The following STK32B variants were observed in gnomAD, a reference collection of about 807,000 sequenced individuals.
STK32B encodes serine/threonine-protein kinase 32B.
Under a neutral mutation model 52.6 loss-of-function variants are expected in STK32B, and 43 were observed. The observed-to-expected ratio is 0.82, with a 90% CI of 0.64 to 1.05. STK32B has a LOEUF of 1.05. Ranked by LOEUF, STK32B falls within the 50% of genes least tolerant of loss-of-function variation. The pLI, the probability that STK32B is intolerant of heterozygous loss-of-function variation, is 0.00. For synonymous variants in STK32B, 238 were observed against 204.3 expected, an observed-to-expected ratio of 1.17 and a Z score of -1.41; for missense variants, 621 against 534.6, an observed-to-expected ratio of 1.16 and a Z score of -1.59.
the STK32B span, among the ~76,000 whole-genome samples, chr4:5,026,620 G>A: frequency 6.6e-6 from 1 of 152,190 alleles, no homozygotes; most frequent in African/African-American, 2.4e-5. Context: ...TACAATTCAA[G>A]GGGAGATTTG....
intron 3 of STK32B, among the ~76,000 whole-genome samples, chr4:5,182,323 G>A (rs763867871): frequency 6.6e-6 from 1 of 152,000 alleles, no homozygotes; most frequent in Admixed American, 6.5e-5. Context: ...TATTTTGACC[G>A]CCCATGAATC....
rs1001610415 is a variant in STK32B, at chr4:5,308,914, GA to G, written c.261-22298del. Among the ~76,000 whole-genome samples, 76 of 151,250 alleles carry G rather than the reference GA, an allele frequency of 5.0e-4. 1 individual carries two copies. Among genetic ancestry groups the G allele is most frequent in the Admixed American group, 3.8e-3 (57 of 15,180 alleles). On this transcript the variant is annotated intron_variant, in intron 3 of 11. Transcript: ENST00000282908. ...TCCTAGACAGAACAATTATGCAAGA[GA>G]AAAAAAATAAAGGGCATCCAAATTG...
chr4:5,267,878 G>A (rs192162578), intron 3 of STK32B, among the ~76,000 whole-genome samples: 2 of 152,316 alleles, frequency 1.3e-5, no homozygotes, highest in East Asian at 3.9e-4. Flanking sequence ...TCTGGAGGCT[G>A]CCCAGAAGTT....
At chr4:5,040,362 G>A in the STK32B span, among the ~76,000 whole-genome samples, 1 of 150,400 alleles carries the variant, frequency 6.6e-6, no homozygotes, top group Non-Finnish European at 1.5e-5. Context: ...TTCTCTCAGT[G>A]CACATGATGA....
At chr4:5,259,741 G>A (rs1726574927) in intron 3 of STK32B, among the ~76,000 whole-genome samples, 1 of 152,218 alleles carries the variant, frequency 6.6e-6, no homozygotes, top group Admixed American at 6.5e-5. Flanking sequence ...GAGCTCTGAG[G>A]CCCAACTCTT....
Position 5,469,046 on chromosome 4 carries a change from G to A in STK32B, c.1106+976G>A, listed in dbSNP as rs1030686968. The stretch of plus-strand genomic sequence containing the variant: ...AGCCTGGGCGACAGAGCAAGACTCC[G>A]TCTCAAAAAAAAAAAAAAAAATTAT... On this transcript the variant is annotated intron_variant, in intron 11 of 11. Transcript: ENST00000282908. This position sits in a 1 kb window ranked among gnomAD's most constrained non-coding sequence, Gnocchi z 4.7. Among the ~76,000 whole-genome samples, 6 of 117,782 alleles carry A rather than the reference G, an allele frequency of 5.1e-5. No individual in the cohort carries two copies. Among genetic ancestry groups the A allele is most frequent in the African/African-American group, 1.4e-4 (4 of 27,994 alleles). The allele number at this position is 117,782 out of a possible 152,430, so 77.3% of individuals were successfully genotyped here. A position where few individuals can be genotyped will look rare whatever the true frequency, so the allele number is the denominator to read the frequency against.
At chr4:5,281,889 C>A (rs1180878392) in intron 3 of STK32B, among the ~76,000 whole-genome samples, 1 of 152,070 alleles carries the variant, frequency 6.6e-6, no homozygotes, top group African/African-American at 2.4e-5. Flanking sequence ...TTACAAATCA[C>A]AGATACATAT....
At chr4:5,095,755 C>A (rs1713353647) in intron 1 of STK32B, among the ~76,000 whole-genome samples, 1 of 152,070 alleles carries the variant, frequency 6.6e-6, no homozygotes, top group African/African-American at 2.4e-5. Flanking sequence ...CATGACTGAC[C>A]CTTTGATTGT....
At chr4:5,308,894 G>A (rs1730104053) in intron 3 of STK32B, among the ~76,000 whole-genome samples, 1 of 151,816 alleles carries the variant, frequency 6.6e-6, no homozygotes, top group Non-Finnish European at 1.5e-5. Context: ...AAATGTCCTA[G>A]ACAGAACAAT....
At chr4:5,265,253 A>G (rs1040034651) in intron 3 of STK32B, among the ~76,000 whole-genome samples, 1 of 152,232 alleles carries the variant, frequency 6.6e-6, no homozygotes, top group African/African-American at 2.4e-5. Context: ...ACCACCTGAC[A>G]GGTGAGAACG....
intron 3 of STK32B, among the ~76,000 whole-genome samples, chr4:5,170,487 G>T (rs1049535813): frequency 7.2e-5 from 11 of 151,760 alleles, no homozygotes; most frequent in African/African-American, 2.7e-4. Context: ...AGTCTCTGGA[G>T]TGTGATGTTC....
At chr4:5,232,424 A>G (rs560165802) in intron 3 of STK32B, among the ~76,000 whole-genome samples, 1 of 152,258 alleles carries the variant, frequency 6.6e-6, no homozygotes, top group African/African-American at 2.4e-5. Context: ...CTGCTAATGC[A>G]ACTGTGATTT....
rs1553823495 is a variant in STK32B, at chr4:5,099,447, T to TGC, written c.53-40457_53-40456insCG. The stretch of plus-strand genomic sequence containing the variant: ...CTGCAGTCCTCTGTGTGTGTGTGTG[T>TGC]GTGCGCGCGCGCGTATGTGATGTGT... On this transcript the variant is annotated intron_variant, in intron 1 of 11. Coordinates refer to ENST00000282908, the MANE Select transcript of STK32B (RefSeq NM_018401.3). Among the ~76,000 whole-genome samples the TGC allele has an allele frequency of 1.7e-4, 14 of 80,636 alleles. No individual in the cohort carries two copies. In the East Asian group the frequency reaches 2.6e-3, roughly 15 times the overall value. The allele number at this position is 80,636 out of a possible 152,430, so 52.9% of individuals were successfully genotyped here.
chr4:5,330,453 C>G (rs1732158868), intron 3 of STK32B, among the ~76,000 whole-genome samples: 1 of 152,134 alleles, frequency 6.6e-6, no homozygotes, highest in African/African-American at 2.4e-5. Flanking sequence ...AAACAAAATA[C>G]CACCCTAAAA....
chr4:5,233,042 C>T (rs1294852709), intron 3 of STK32B, among the ~76,000 whole-genome samples: 1 of 152,156 alleles, frequency 6.6e-6, no homozygotes, highest in Non-Finnish European at 1.5e-5. Context: ...CCTAACTCTG[C>T]CCACATCTTT....
intron 7 of STK32B, among the ~76,000 whole-genome samples, chr4:5,451,166 C>A (rs1408876581): frequency 6.6e-6 from 1 of 152,182 alleles, no homozygotes; most frequent in Admixed American, 6.5e-5. Context: ...AATACACACA[C>A]AACGATGATT....
At chr4:5,303,083 G>T (rs1272816936) in intron 3 of STK32B, among the ~76,000 whole-genome samples, 2 of 151,900 alleles carry the variant, frequency 1.3e-5, no homozygotes, top group African/African-American at 4.8e-5. Context: ...CTAGTTGATT[G>T]ATGGGCATTT....
At chr4:5,075,344 A>G (rs1712014077) in intron 1 of STK32B, among the ~76,000 whole-genome samples, 1 of 152,212 alleles carries the variant, frequency 6.6e-6, no homozygotes, top group South Asian at 2.1e-4. Flanking sequence ...TGGATTTGAA[A>G]TGAAACCCGA....
rs16837112 is a variant in STK32B, at chr4:5,394,532, T to A, written c.435-3675T>A. Among the ~76,000 whole-genome samples the A allele has an allele frequency of 0.036, 5,446 of 152,342 alleles. 149 individuals are homozygous for A. The highest frequency in any genetic ancestry group is 0.084 in the East Asian group (436 of 5,190). ...TTCAGATTCTCCATCTCCTCCACGC[T>A]GCTTTGCAGGCATCTGCCCAGCAGT... On this transcript the variant is annotated intron_variant, in intron 4 of 11. Coordinates refer to ENST00000282908, the MANE Select transcript of STK32B (RefSeq NM_018401.3). This position sits in a 1 kb window ranked among gnomAD's most constrained non-coding sequence, Gnocchi z 4.2.
Sources: allele counts gnomAD v4.1 joint callset (sites outside exome capture counted in the v4.1 genomes callset), GRCh38; gene constraint gnomAD v4.1.1; non-coding constraint Gnocchi (gnomAD v3.1); transcripts MANE v1.5; gene names NCBI Gene and HGNC (gene_info 2026-07-23, HGNC 2026-07-21).